The following SUFU variants were observed in gnomAD, a reference collection of about 807,000 sequenced individuals.
The protein encoded by SUFU is SUFU negative regulator of hedgehog signaling.
A neutral mutation model predicts 58.9 loss-of-function variants in SUFU; 7 were observed. The ratio of observed to expected loss-of-function variants is 0.12; its 90% CI spans 0.07 to 0.22. The LOEUF is 0.22. SUFU is among the 10% of genes least tolerant of loss of function. The pLI is 1.00. For synonymous variants in SUFU, 232 were observed against 254.8 expected (o/e 0.91, Z 0.85); for missense variants, 451 against 641.3 (o/e 0.70, Z 3.20).
At chr10:102,525,625 C>G (rs2062600884) in intron 2 of SUFU, among the ~76,000 whole-genome samples, 1 of 152,116 alleles carries the variant, frequency 6.6e-6, no homozygotes, top group Non-Finnish European at 1.5e-5. Flanking sequence ...GCCTCAGTCT[C>G]CTGAGTAGCT....
At chr10:102,610,392 C>A (rs202202175) in intron 8 of SUFU, among the ~76,000 whole-genome samples, 472 of 123,884 alleles carry the variant, frequency 3.8e-3, no homozygotes, top group Admixed American at 4.2e-3. Context: ...GACTCTGTCT[C>A]AAAAAAAAAA....
intron 10 of SUFU, among the ~76,000 whole-genome samples, chr10:102,621,994 T>C (rs1035023484): frequency 6.6e-6 from 1 of 152,200 alleles, no homozygotes; most frequent in African/African-American, 2.4e-5. Flanking sequence ...TTCTGGAACT[T>C]GCTGGGGCCT....
chr10:102,573,814 T>C (rs1215448278), intron 3 of SUFU, among the ~76,000 whole-genome samples: 3 of 152,168 alleles, frequency 2.0e-5, no homozygotes, highest in African/African-American at 7.2e-5. Context: ...AATGTTGGTT[T>C]CCAGGGGTTG....
intron 2 of SUFU, among the ~76,000 whole-genome samples, chr10:102,541,009 A>G (rs1042186349): frequency 7.2e-5 from 11 of 152,034 alleles, no homozygotes; most frequent in African/African-American, 2.7e-4. Flanking sequence ...GTGACAGAGC[A>G]AGACTCCATC....
chr10:102,575,049 C>A (rs2063199443), intron 3 of SUFU, among the ~76,000 whole-genome samples: 2 of 149,706 alleles, frequency 1.3e-5, no homozygotes, highest in African/African-American at 4.9e-5. Flanking sequence ...GAGCAAGACT[C>A]TGTCTCAAAA....
At chr10:102,554,520 ACCTC>A (rs2062953410) in intron 3 of SUFU, among the ~76,000 whole-genome samples, 1 of 151,988 alleles carries the variant, frequency 6.6e-6, no homozygotes, top group African/African-American at 2.4e-5. Flanking sequence ...TTCTCTAGAA[ACCTC>A]CCTTACGTCT....
chr10:102,611,654 G>A (rs1433586695), intron 8 of SUFU, among the ~76,000 whole-genome samples: 2 of 152,228 alleles, frequency 1.3e-5, no homozygotes, highest in Non-Finnish European at 2.9e-5. Context: ...ACACATTAAT[G>A]CACTTGTCAG....
intron 2 of SUFU, among the ~76,000 whole-genome samples, chr10:102,520,213 T>TTTC (rs1564662596): frequency 7.8e-5 from 1 of 12,880 alleles, no homozygotes; most frequent in South Asian, 2.0e-3. Context: ...TTTTTCTTTC[T>TTTC]TTTTTTTTTT....
chr10:102,540,880 G>A (rs2062791363), intron 2 of SUFU, among the ~76,000 whole-genome samples: 1 of 151,678 alleles, frequency 6.6e-6, no homozygotes, highest in Non-Finnish European at 1.5e-5. Context: ...AAATTAGCTG[G>A]CCGTGATGGT....
chr10:102,594,499 G>T (rs1263593032), intron 6 of SUFU, among the ~76,000 whole-genome samples: 1 of 152,106 alleles, frequency 6.6e-6, no homozygotes, highest in Non-Finnish European at 1.5e-5. Flanking sequence ...AGGAGTGAGG[G>T]CTGATTGGTC....
intron 1 of SUFU, among the ~76,000 whole-genome samples, chr10:102,508,313 G>A (rs1348173544): frequency 6.6e-6 from 1 of 152,088 alleles, no homozygotes; most frequent in Non-Finnish European, 1.5e-5. Context: ...TTACTAAAGG[G>A]AACTCTTATT....
intron 3 of SUFU, among the ~76,000 whole-genome samples, chr10:102,569,406 A>G (rs2063138705): frequency 6.6e-6 from 1 of 152,132 alleles, no homozygotes; most frequent in African/African-American, 2.4e-5. Flanking sequence ...GTATTCCAAC[A>G]TTAAGGAAGT....
intron 1 of SUFU, among the ~76,000 whole-genome samples, chr10:102,506,412 T>C (rs1159072062): frequency 6.6e-6 from 1 of 152,102 alleles, no homozygotes; most frequent in African/African-American, 2.4e-5. Context: ...AGAGTTTTGC[T>C]CTGTCACCCA....
chr10:102,526,845 C>T (rs1217547485), intron 2 of SUFU, among the ~76,000 whole-genome samples: 2 of 152,018 alleles, frequency 1.3e-5, no homozygotes, highest in Non-Finnish European at 2.9e-5. Context: ...GCCCTGAGGG[C>T]AGCACGGACC....
intron 1 of SUFU, among the ~76,000 whole-genome samples, chr10:102,508,064 C>T (rs764873669): frequency 1.3e-4 from 19 of 150,808 alleles, no homozygotes; most frequent in Non-Finnish European, 2.7e-4. Flanking sequence ...CTCTGTTGTC[C>T]AGGCGATTCT....
intron 2 of SUFU, among the ~76,000 whole-genome samples, chr10:102,518,936 G>C (rs11592334): frequency 6.7e-6 from 1 of 150,344 alleles, no homozygotes; most frequent in South Asian, 2.1e-4. Context: ...TCAGGAGATC[G>C]AGACCATCCT....
intron 3 of SUFU, among the ~76,000 whole-genome samples, chr10:102,562,012 A>C (rs1458314911): frequency 6.6e-6 from 1 of 152,164 alleles, no homozygotes; most frequent in Non-Finnish European, 1.5e-5. Flanking sequence ...AGTTCCAGGA[A>C]TCCATCCATC....
intron 8 of SUFU, among the ~76,000 whole-genome samples, chr10:102,614,356 A>G (rs1209204565): frequency 3.9e-4 from 55 of 140,860 alleles, no homozygotes; most frequent in Middle Eastern, 5.2e-3. Context: ...AGGAGTTTGA[A>G]ACCAGCCTTG....
intron 3 of SUFU, among the ~76,000 whole-genome samples, chr10:102,580,168 C>T (rs1032614461): frequency 3.3e-5 from 5 of 152,072 alleles, no homozygotes; most frequent in Admixed American, 1.3e-4. Flanking sequence ...CTGGGATTAT[C>T]CTTCCTTTGG....
Sources: allele counts gnomAD v4.1 joint callset (sites outside exome capture counted in the v4.1 genomes callset), GRCh38; gene constraint gnomAD v4.1.1; transcripts MANE v1.5; gene names NCBI Gene and HGNC (gene_info 2026-07-23, HGNC 2026-07-21).